PCDHGA3: variants seen among roughly 807,000 people sequenced by gnomAD.
The protein encoded by PCDHGA3 is protocadherin gamma-A3.
Under a neutral mutation model 58.5 loss-of-function variants are expected in PCDHGA3, and 40 were observed. The observed-to-expected ratio is 0.68, with a 90% confidence interval of 0.53 to 0.89. The LOEUF (loss-of-function observed/expected upper bound fraction) is 0.89, where lower values mean the gene tolerates loss of function less well. PCDHGA3 is among the 40% of genes least tolerant of loss of function. PCDHGA3 has a pLI of 0.00. For synonymous variants in PCDHGA3, 530 were observed against 525.7 expected (o/e 1.01, Z -0.11); for missense variants, 1,223 against 1,195.9 (o/e 1.02, Z -0.33).
chr5:141,383,521 C>T (rs1434665459), intron 1 of PCDHGA3: 5 of 1,612,260 alleles, frequency 3.1e-6, no homozygotes, highest in Non-Finnish European at 4.2e-6. Flanking sequence ...AGAGCGGGTT[C>T]ACCACCTGGT....
intron 1 of PCDHGA3, chr5:141,375,494 A>G (rs531964516): frequency 6.2e-7 from 1 of 1,613,834 alleles, no homozygotes; most frequent in Non-Finnish European, 8.5e-7. Flanking sequence ...GGGTGCCTCC[A>G]TCTTCTCTGT....
chr5:141,476,666 G>C lies in PCDHGA3; in HGVS notation c.2425-18141G>C, dbSNP rs2099395856. On this transcript the variant is annotated intron_variant, in intron 1 of 3. Coordinates refer to ENST00000253812, the MANE Select transcript of PCDHGA3 (RefSeq NM_018916.4). This position sits in a 1 kb window ranked among gnomAD's most constrained non-coding sequence, Gnocchi z 7.6. The stretch of plus-strand genomic sequence containing the variant: ...CCGAAATGAATACTTTGCGCTTCGC[G>C]TGCAGACGCGGGAGGACAGCACCAA... 6.2e-7 allele frequency: 1 copy of C among 1,614,246 alleles called. No individual in the cohort carries two copies. The highest frequency in any genetic ancestry group is 8.5e-7 in the Non-Finnish European group (1 of 1,180,044).
intron 1 of PCDHGA3, chr5:141,393,842 T>A (rs1010461527): frequency 1.2e-6 from 2 of 1,613,830 alleles, no homozygotes; most frequent in African/African-American, 2.7e-5. Flanking sequence ...TAAATGACAA[T>A]AGACCAGAAG....
Position 141,431,872 on chromosome 5 carries a change from A to G in PCDHGA3, c.2425-62935A>G, listed in dbSNP as rs2097425104. 5 of 1,614,222 alleles carry G rather than the reference A, an allele frequency of 3.1e-6. No individual in the cohort carries two copies. The highest frequency in any genetic ancestry group is 4.2e-6 in the Non-Finnish European group (5 of 1,180,002). ...GGACATTAATTGCCCTTTTAAATGT[A>G]AATGACCAAGATTCTGAGGAAAACG... On this transcript the variant is annotated intron_variant, in intron 1 of 3. Transcript: ENST00000253812. The surrounding 1 kb of genome is among the most constrained non-coding windows in gnomAD (Gnocchi z 4.8).
chr5:141,390,781 G>C (rs527538379), intron 1 of PCDHGA3: 97 of 165,826 alleles, frequency 5.8e-4, no homozygotes, highest in Non-Finnish European at 1.1e-3. Flanking sequence ...CTTCCCTTTT[G>C]TTTCAAAAGC....
At chr5:141,374,211 C>G in intron 1 of PCDHGA3, 2 of 1,613,954 alleles carry the variant, frequency 1.2e-6, no homozygotes, top group Non-Finnish European at 1.7e-6. Context: ...GAGAAAGGCT[C>G]CTTCGTAGGC....
rs1280755615 is a variant in PCDHGA3, at chr5:141,431,629, A to G, written c.2425-63178A>G. 1 of 1,614,246 alleles carries G rather than the reference A, an allele frequency of 6.2e-7. No individual in the cohort carries two copies. ...GGTATGTGGACGACAAGGCGGCCCA[A>G]GTTTTCAAACTAGATTGTAATTCAG... On this transcript the variant is annotated intron_variant, in intron 1 of 3. Transcript: ENST00000253812. The surrounding 1 kb of genome is among the most constrained non-coding windows in gnomAD (Gnocchi z 4.8).
intron 1 of PCDHGA3, chr5:141,350,135 C>A: frequency 1.3e-6 from 1 of 753,636 alleles, no homozygotes; most frequent in Non-Finnish European, 1.9e-6. Context: ...AGCACAGACG[C>A]TGCTCCTGTT....
chr5:141,361,081 A>AC (rs1470194517), intron 1 of PCDHGA3: 1 of 1,613,830 alleles, frequency 6.2e-7, no homozygotes, highest in Non-Finnish European at 8.5e-7. Context: ...AAGTAGTTAC[A>AC]CTCTGAGTAT....
chr5:141,437,881 G>A (rs1317504695), intron 1 of PCDHGA3, among the ~76,000 whole-genome samples: 4 of 152,026 alleles, frequency 2.6e-5, no homozygotes, highest in Admixed American at 2.6e-4. Flanking sequence ...GGGACTACAG[G>A]CACACGCCAC....
At position 141,511,112 on chromosome 5, in the gene PCDHGA3, G is replaced by A. The variant is rs767257788; in HGVS notation, c.2738G>A (p.Gly913Asp). The change falls in exon 4 of 4, where the codon GGC (glycine) becomes GAC (aspartate). Residue 913 changes from glycine (G) to aspartate (D), a missense_variant. Transcript: ENST00000253812. ...ACCAACGCAGCTGGCAAGCGGGATGGCAAGGCCCCAGCAGGTGGCAATGGC... is the reference window on the plus strand; with the variant it reads ...ACCAACGCAGCTGGCAAGCGGGATGACAAGGCCCCAGCAGGTGGCAATGGC... The part of the protein sequence containing the change: ...TLTNAAGKRD[G>D]KAPAGGNGNK... 1 of 1,614,232 alleles carries A rather than the reference G, an allele frequency of 6.2e-7. No individual in the cohort carries two copies.
intron 2 of PCDHGA3, among the ~76,000 whole-genome samples, chr5:141,503,682 G>A (rs1430771639): frequency 1.3e-5 from 2 of 151,974 alleles, no homozygotes; most frequent in South Asian, 4.1e-4. Flanking sequence ...CTTTTGGGAA[G>A]GAGAATTGAG....
chr5:141,496,276 G>C (rs1189269883), intron 2 of PCDHGA3, among the ~76,000 whole-genome samples: 1 of 152,204 alleles, frequency 6.6e-6, no homozygotes, highest in Admixed American at 6.5e-5. Flanking sequence ...AAGACCTTCA[G>C]TTGGTCTGAG....
chr5:141,395,400 G>C, intron 1 of PCDHGA3: 1 of 859,976 alleles, frequency 1.2e-6, no homozygotes, highest in Non-Finnish European at 1.7e-6. Context: ...AACTCTAATA[G>C]TCATAGGTTA....
chr5:141,371,128 A>G (rs1767509392), intron 1 of PCDHGA3: 1 of 1,614,008 alleles, frequency 6.2e-7, no homozygotes, highest in Non-Finnish European at 8.5e-7. Context: ...TTTACTCAGG[A>G]CATGTACAGG....
intron 1 of PCDHGA3, chr5:141,479,196 C>T (rs2099489838): frequency 2.0e-5 from 3 of 152,432 alleles, no homozygotes; most frequent in African/African-American, 7.2e-5. Context: ...TCAGAAAATA[C>T]AGAAAAGTAT....
At chr5:141,386,430 G>A (rs1257944903) in intron 1 of PCDHGA3, among the ~76,000 whole-genome samples, 2 of 152,116 alleles carry the variant, frequency 1.3e-5, no homozygotes, top group African/African-American at 4.8e-5. Flanking sequence ...TAGCCCACCT[G>A]CATGGGAGGC....
At chr5:141,450,551 G>T (rs2098684306) in intron 1 of PCDHGA3, among the ~76,000 whole-genome samples, 1 of 150,822 alleles carries the variant, frequency 6.6e-6, no homozygotes, top group Admixed American at 6.6e-5. Flanking sequence ...CAGTGGCGCA[G>T]TCTCGGCTCA....
In PCDHGA3 at chr5:141,375,771, T is replaced by C. The variant is rs570278414; in HGVS notation, c.2424+29314T>C. ...CAGAATGACAATGCGCCCGAGATCC[T>C]GTACCCCGCCCTCCCCACAGACGGT... On this transcript the variant is annotated intron_variant, in intron 1 of 3. Transcript: ENST00000253812. 16 of 1,614,130 alleles carry C rather than the reference T, an allele frequency of 9.9e-6. No individual in the cohort carries two copies. Among genetic ancestry groups the C allele is most frequent in the Middle Eastern group, 1.6e-4 (1 of 6,084 alleles).
Sources: allele counts gnomAD v4.1 joint callset (sites outside exome capture counted in the v4.1 genomes callset), GRCh38; gene constraint gnomAD v4.1.1; non-coding constraint Gnocchi (gnomAD v3.1); transcripts MANE v1.5; gene names NCBI Gene and HGNC (gene_info 2026-07-23, HGNC 2026-07-21).